The following CTNNA2 variants were observed in gnomAD, a reference collection of about 807,000 sequenced individuals.
The protein encoded by CTNNA2 is catenin alpha-2.
CTNNA2 carries 42 observed loss-of-function variants against 101.0 expected under a neutral mutation model. The ratio of observed to expected loss-of-function variants is 0.42; its 90% CI spans 0.32 to 0.54. The LOEUF (loss-of-function observed/expected upper bound fraction) is 0.54, where lower values mean the gene tolerates loss of function less well. CTNNA2 is among the 20% of genes least tolerant of loss of function. The probability of loss-of-function intolerance (pLI) is 0.14; values close to 1 mark genes in which losing one functional copy is unlikely to be tolerated. For synonymous variants in CTNNA2, 450 were observed against 456.4 expected, an observed-to-expected ratio of 0.99 and a Z score of 0.18; for missense variants, 871 against 1,223.1, an observed-to-expected ratio of 0.71 and a Z score of 4.29.
chr2:80,131,047 G>GT (rs1366122795), intron 7 of CTNNA2, among the ~76,000 whole-genome samples: 4 of 151,654 alleles, frequency 2.6e-5, no homozygotes, highest in African/African-American at 7.3e-5. Context: ...TCAATTTCCT[G>GT]TTTTTTTGTT....
chr2:80,616,651 G>T (rs1698878540), intron 17 of CTNNA2: 2 of 151,098 alleles, frequency 1.3e-5, no homozygotes, highest in Admixed American at 6.6e-5. Context: ...GTCTTAAAGG[G>T]CTACTTACCC....
chr2:80,434,216 T>A (rs576639997), intron 9 of CTNNA2, among the ~76,000 whole-genome samples: 1 of 152,344 alleles, frequency 6.6e-6, no homozygotes, highest in East Asian at 1.9e-4. Flanking sequence ...CAAGTTGTCT[T>A]AGAAATGAAG....
chr2:80,633,121 A>G (rs1315862746), intron 18 of CTNNA2, among the ~76,000 whole-genome samples: 1 of 152,156 alleles, frequency 6.6e-6, no homozygotes, highest in African/African-American at 2.4e-5. Context: ...ATAGATGATA[A>G]CAGGTAATAT....
At chr2:80,410,478 G>A (rs558185934) in intron 8 of CTNNA2, among the ~76,000 whole-genome samples, 4 of 152,174 alleles carry the variant, frequency 2.6e-5, no homozygotes, top group Admixed American at 6.5e-5. Flanking sequence ...TCACACATAC[G>A]TTTAAACCAT....
chr2:80,204,653 GTCT>G, intron 7 of CTNNA2, among the ~76,000 whole-genome samples: 1 of 152,154 alleles, frequency 6.6e-6, no homozygotes, highest in South Asian at 2.1e-4. Context: ...ACATTTTCCT[GTCT>G]TCTTCTGAGC....
chr2:79,275,660 A>G (rs1675193274), intron 2 of CTNNA2, among the ~76,000 whole-genome samples: 1 of 152,078 alleles, frequency 6.6e-6, no homozygotes, highest in Non-Finnish European at 1.5e-5. Context: ...TATGTAGCAT[A>G]ATATTTGAAT....
chr2:80,177,963 G>A (rs1406465122), intron 7 of CTNNA2, among the ~76,000 whole-genome samples: 1 of 152,234 alleles, frequency 6.6e-6, no homozygotes, highest in Non-Finnish European at 1.5e-5. Flanking sequence ...CTGTCCTTCA[G>A]CAATGCCCTA....
chr2:79,192,534 A>G (rs1481776862), intron 1 of CTNNA2, among the ~76,000 whole-genome samples: 4 of 152,204 alleles, frequency 2.6e-5, no homozygotes, highest in Admixed American at 6.5e-5. Context: ...AGTGTTGCCT[A>G]TAGTTCCAGA....
At chr2:80,550,416 A>AG (rs1692465826) in intron 11 of CTNNA2, among the ~76,000 whole-genome samples, 1 of 152,122 alleles carries the variant, frequency 6.6e-6, no homozygotes, top group African/African-American at 2.4e-5. Flanking sequence ...ATAACAATGA[A>AG]GTTTGATGCG....
intron 3 of CTNNA2, among the ~76,000 whole-genome samples, chr2:79,795,569 A>C (rs572790897): frequency 6.6e-6 from 1 of 152,300 alleles, no homozygotes; most frequent in Admixed American, 6.5e-5. Context: ...AAAAGAAATT[A>C]TTAGCAATTG....
intron 2 of CTNNA2, among the ~76,000 whole-genome samples, chr2:79,712,509 A>T (rs1009044328): frequency 2.0e-5 from 3 of 152,202 alleles, no homozygotes; most frequent in African/African-American, 7.2e-5. Context: ...TAATATTATT[A>T]TCTAATTGCG....
chr2:80,308,492 G>T (rs1677238229), intron 7 of CTNNA2, among the ~76,000 whole-genome samples: 1 of 152,178 alleles, frequency 6.6e-6, no homozygotes, highest in Non-Finnish European at 1.5e-5. Context: ...CAAAAAGAGA[G>T]AATTAACTTT....
At chr2:79,750,951 T>C (rs912841372) in intron 3 of CTNNA2, among the ~76,000 whole-genome samples, 13 of 152,050 alleles carry the variant, frequency 8.5e-5, no homozygotes, top group African/African-American at 3.1e-4. Flanking sequence ...TGGATAGATA[T>C]ATCCTATGCT....
intron 7 of CTNNA2, among the ~76,000 whole-genome samples, chr2:80,080,965 A>AG (rs2148802515): frequency 6.6e-6 from 1 of 150,614 alleles, no homozygotes; most frequent in South Asian, 2.1e-4. Flanking sequence ...AAAAAAAAAA[A>AG]AAAAAAAGAA....
At chr2:79,867,337 A>G (rs1682194768) in intron 4 of CTNNA2, among the ~76,000 whole-genome samples, 2 of 150,314 alleles carry the variant, frequency 1.3e-5, no homozygotes, top group Admixed American at 6.7e-5. Context: ...TCAATATTCT[A>G]TCTATCTGTC....
intron 7 of CTNNA2, among the ~76,000 whole-genome samples, chr2:80,058,552 A>T (rs1370798067): frequency 6.6e-6 from 1 of 152,218 alleles, no homozygotes; most frequent in Non-Finnish European, 1.5e-5. Flanking sequence ...AGGCCTGCCA[A>T]CCCAGCAAAA....
intron 2 of CTNNA2, among the ~76,000 whole-genome samples, chr2:79,672,099 A>G (rs900848135): frequency 6.6e-6 from 1 of 151,902 alleles, no homozygotes; most frequent in East Asian, 1.9e-4. Flanking sequence ...TATTTTCTAT[A>G]AAAAAAAGTT....
intron 2 of CTNNA2, among the ~76,000 whole-genome samples, chr2:79,238,413 A>G (rs1674584030): frequency 6.6e-6 from 1 of 152,008 alleles, no homozygotes; most frequent in Admixed American, 6.5e-5. Context: ...AGATATAAAA[A>G]TAATGAAAAA....
At chr2:80,089,040 C>G (rs1699618138) in intron 7 of CTNNA2, among the ~76,000 whole-genome samples, 1 of 151,916 alleles carries the variant, frequency 6.6e-6, no homozygotes, top group Non-Finnish European at 1.5e-5. Context: ...CCTGATTACA[C>G]CAGACAAACA....
Sources: allele counts gnomAD v4.1 joint callset (sites outside exome capture counted in the v4.1 genomes callset), GRCh38; gene constraint gnomAD v4.1.1; transcripts MANE v1.5; gene names NCBI Gene and HGNC (gene_info 2026-07-23, HGNC 2026-07-21).